Variants in RELL1 observed in about 807,000 individuals in gnomAD.
RELL1 encodes RELT-like protein 1.
RELL1 carries 10 observed loss-of-function variants against 23.0 expected under a neutral mutation model. The ratio of observed to expected loss-of-function variants is 0.43; its 90% CI spans 0.27 to 0.74. The LOEUF is 0.74. RELL1 is among the 30% of genes least tolerant of loss of function. The pLI, the probability that RELL1 is intolerant of heterozygous loss-of-function variation, is 0.19. For synonymous variants in RELL1, 146 were observed against 146.8 expected, an observed-to-expected ratio of 0.99 and a Z score of 0.04; for missense variants, 315 against 364.4, an observed-to-expected ratio of 0.86 and a Z score of 1.10.
At chr4:37,644,280 T>C (rs1441954862) in intron 3 of RELL1, among the ~76,000 whole-genome samples, 3 of 151,844 alleles carry the variant, frequency 2.0e-5, no homozygotes, top group Non-Finnish European at 4.4e-5. Flanking sequence ...CCAAACACCC[T>C]CTCTGCTGTA....
intron 3 of RELL1, 72 bp from the exon 4 acceptor site, chr4:37,638,576 T>C: frequency 8.7e-7 from 1 of 1,155,694 alleles, no homozygotes; most frequent in Non-Finnish European, 1.3e-6. Context: ...AGAAAAGCTG[T>C]TGAAAACACA....
chr4:37,619,420 A>G (rs1719693913), intron 6 of RELL1, among the ~76,000 whole-genome samples: 1 of 151,494 alleles, frequency 6.6e-6, no homozygotes, highest in Admixed American at 6.6e-5. Context: ...TGACCTCGTG[A>G]TCCACCTGCG....
intron 6 of RELL1, among the ~76,000 whole-genome samples, chr4:37,630,312 A>G (rs1041072700): frequency 2.0e-5 from 3 of 151,236 alleles, no homozygotes; most frequent in African/African-American, 4.9e-5. Context: ...ATGAAAGTTA[A>G]GCCACTATCA....
intron 6 of RELL1, among the ~76,000 whole-genome samples, chr4:37,605,274 C>T (rs2109494336): frequency 1.3e-5 from 2 of 152,180 alleles, no homozygotes; most frequent in East Asian, 3.9e-4. Context: ...TATGTGTGTA[C>T]AGGGGGCCTA....
chr4:37,675,319 A>G (rs1012974804), intron 1 of RELL1, among the ~76,000 whole-genome samples: 2 of 152,260 alleles, frequency 1.3e-5, no homozygotes, highest in Non-Finnish European at 2.9e-5. Flanking sequence ...TGCAAAGCAC[A>G]TTTGAGAACA....
At chr4:37,604,276 C>T (rs1382892754) in intron 6 of RELL1, among the ~76,000 whole-genome samples, 8 of 152,288 alleles carry the variant, frequency 5.3e-5, no homozygotes, top group Non-Finnish European at 8.8e-5. Context: ...CTACATTACA[C>T]ATGTACTAGA....
chr4:37,632,347 T>A (rs1720174100), intron 5 of RELL1, among the ~76,000 whole-genome samples: 1 of 104,732 alleles, frequency 9.5e-6, no homozygotes, highest in South Asian at 2.8e-4. Context: ...AATTTTGTAT[T>A]TTTAGTAGAG....
chr4:37,685,463 T>C (rs1467683489), intron 1 of RELL1, among the ~76,000 whole-genome samples: 1 of 152,194 alleles, frequency 6.6e-6, no homozygotes, highest in Admixed American at 6.5e-5. Context: ...TTACACCTCC[T>C]CTTAAGATTG....
At chr4:37,630,365 T>G (rs1315033697) in intron 6 of RELL1, among the ~76,000 whole-genome samples, 1 of 114,718 alleles carries the variant, frequency 8.7e-6, no homozygotes, top group Non-Finnish European at 2.0e-5. Flanking sequence ...GGTTTTTTTT[T>G]TTTTTTTTTT....
At position 37,603,932 on chromosome 4, in the gene RELL1, T is replaced by C. The variant is rs113859834; in HGVS notation, c.*4-12715A>G. ...CTCGCAGGCTTAAGCAATCCTCCCA[T>C]CTGAGCCTCCCAAGTAGCTGGGACT... On this transcript the variant is annotated intron_variant, in intron 6 of 6. Coordinates refer to the RELL1 transcript ENST00000314117. Among the ~76,000 whole-genome samples, 214 of 152,264 alleles carry C rather than the reference T, an allele frequency of 1.4e-3. 5 individuals are homozygous for C. Among genetic ancestry groups the C allele is most frequent in the African/African-American group, 4.6e-3 (190 of 41,564 alleles).
In RELL1 at chr4:37,649,423, G is replaced by A; in HGVS notation, c.166C>T (p.Pro56Ser). 1 of 1,614,182 alleles carries A rather than the reference G, an allele frequency of 6.2e-7. No individual in the cohort carries two copies. Among genetic ancestry groups the A allele is most frequent in the Non-Finnish European group, 8.5e-7 (1 of 1,180,030 alleles). The part of the protein sequence containing the change: ...SPSNDTGNGH[P>S]EYIAYALVPV... Reference sequence around the variant, plus strand: ...ACAAGCGCGTATGCAATATATTCTGGGTGTCCATTCCCAGTATCGTTGCTG... The same window carrying A: ...ACAAGCGCGTATGCAATATATTCTGAGTGTCCATTCCCAGTATCGTTGCTG... The change falls in exon 2 of 7, where the codon CCA (proline) becomes TCA (serine). Residue 56 changes from proline (P) to serine (S), a missense_variant. By Grantham distance (74) the Pro-to-Ser change is moderately conservative. Transcript: ENST00000454158.
chr4:37,586,332 C>T (rs1718339304), downstream of RELL1, among the ~76,000 whole-genome samples: 1 of 152,128 alleles, frequency 6.6e-6, no homozygotes, highest in African/African-American at 2.4e-5. Flanking sequence ...GTTTTTAATC[C>T]ATAGCCATTA....
At chr4:37,661,023 T>A (rs1393197601) in intron 1 of RELL1, among the ~76,000 whole-genome samples, 1 of 149,454 alleles carries the variant, frequency 6.7e-6, no homozygotes, top group Non-Finnish European at 1.5e-5. Context: ...AGAGTGAGAC[T>A]CTGTCTCAAA....
At chr4:37,656,411 C>A (rs985687433) in intron 1 of RELL1, among the ~76,000 whole-genome samples, 1 of 152,054 alleles carries the variant, frequency 6.6e-6, no homozygotes. Context: ...TTCAGTTACA[C>A]GAGATTAATA....
In RELL1 at chr4:37,630,941, T is replaced by TA. The variant is rs112642457; in HGVS notation, c.*3+443dup. Among the ~76,000 whole-genome samples, 268 of 146,074 alleles carry TA rather than the reference T, an allele frequency of 1.8e-3. 2 individuals carry two copies. The highest frequency in any genetic ancestry group is 2.5e-3 in the Non-Finnish European group (165 of 66,032). On this transcript the variant is annotated intron_variant, in intron 6 of 6. Coordinates refer to ENST00000454158, the MANE Select transcript of RELL1 (RefSeq NM_001085400.2). ...AAGTCATTTGGCCTGCATGGTTGTT[T>TA]AAAAAAAAAAAAGTAAGCTGCCAAT...
rs114293577 is a variant in RELL1 at position 37,635,021 on chromosome 4, C to A, written c.546G>T (p.Thr182=). 8 of 1,614,226 alleles carry A rather than the reference C, an allele frequency of 5.0e-6. No individual in the cohort carries two copies. The East Asian group carries it at 1.8e-4, about 36-fold the overall frequency. ...CATCCCTCTCGACAACACCGCCCAC[C>A]GTATGCAGATGATGGCCACAGACGT... ...GKHVCGHHLH[T]VGGVVERDVC... is the part of the protein sequence containing the mutation. The change falls in exon 5 of 7, where the codon ACG becomes ACT. Residue 182 remains threonine, a synonymous_variant. Transcript: ENST00000454158.
At chr4:37,647,248 G>C (rs1235870197) in intron 3 of RELL1, 120 bp downstream of exon 3, 1 of 638,286 alleles carries the variant, frequency 1.6e-6, no homozygotes, top group African/African-American at 1.8e-5. Flanking sequence ...TGGAAGCTGA[G>C]GTGTTAGAAA....
At chr4:37,645,031 C>T (rs1025724138) in intron 3 of RELL1, among the ~76,000 whole-genome samples, 1 of 152,286 alleles carries the variant, frequency 6.6e-6, no homozygotes, top group African/African-American at 2.4e-5. Flanking sequence ...ATGTCGAGAT[C>T]ACAGCATCCC....
chr4:37,593,274 T>A (rs1718702644), intron 6 of RELL1, among the ~76,000 whole-genome samples: 1 of 152,182 alleles, frequency 6.6e-6, no homozygotes, highest in Admixed American at 6.5e-5. Flanking sequence ...ACCTCTTATG[T>A]AAAAGAAGTC....
Sources: gnomAD v4.1 joint callset for allele counts (sites outside exome capture counted in the v4.1 genomes callset) on GRCh38, gnomAD v4.1.1 for gene constraint, MANE v1.5 for transcripts, NCBI Gene and HGNC (gene_info 2026-07-23, HGNC 2026-07-21) for gene names.